The following MYPN variants were observed in gnomAD, a reference collection of about 807,000 sequenced individuals.
MYPN encodes sarcomeric protein myopalladin, 145 kDa (MYOP).
Under a neutral mutation model 129.4 loss-of-function variants are expected in MYPN, and 63 were observed. The observed-to-expected ratio is 0.49, with a 90% confidence interval of 0.40 to 0.60. The LOEUF is 0.60. Among genes scored for constraint, MYPN ranks in the 20% least tolerant of loss-of-function variants. The pLI is 0.00. For missense variants in MYPN, 1,596 were observed against 1,635.4 expected, an observed-to-expected ratio of 0.98 and a Z score of 0.42; for synonymous variants, 629 against 600.9, an observed-to-expected ratio of 1.05 and a Z score of -0.68.
At chr10:68,132,450 C>T (rs952473669) in intron 2 of MYPN, among the ~76,000 whole-genome samples, 2 of 152,162 alleles carry the variant, frequency 1.3e-5, no homozygotes, top group Admixed American at 1.3e-4. Flanking sequence ...TTTTCTTTCT[C>T]ATATTTTTGT....
At chr10:68,175,558 GGCTGAT>G (rs2043215205) in intron 12 of MYPN, 97 bp downstream of exon 12, 1 of 1,348,946 alleles carries the variant, frequency 7.4e-7, no homozygotes, top group African/African-American at 1.4e-5. Flanking sequence ...ACCTCAGTGA[GGCTGAT>G]GTTGCAGCTC....
At chr10:68,122,602 A>G (rs1273218526) in intron 2 of MYPN, among the ~76,000 whole-genome samples, 24 of 152,344 alleles carry the variant, frequency 1.6e-4, no homozygotes, top group Admixed American at 1.6e-3. Context: ...TAACTAACAT[A>G]TTAAAAACAT....
In MYPN at chr10:68,148,333, A is replaced by T; in HGVS notation, c.1131-20A>T. The T allele has an allele frequency of 6.4e-7, 1 of 1,562,758 alleles. No homozygotes were observed. The highest frequency in any genetic ancestry group is 1.7e-4 in the Middle Eastern group (1 of 5,946). On this transcript the variant is annotated intron_variant, in intron 4 of 19. Coordinates refer to ENST00000358913, the MANE Select transcript of MYPN (RefSeq NM_032578.4). Reference sequence around the variant, plus strand: ...GAGTGATAGGTCTATTTTATAATCTATATTTTAATAATTTCTCAGAATCCA... The same window carrying T: ...GAGTGATAGGTCTATTTTATAATCTTTATTTTAATAATTTCTCAGAATCCA...
At chr10:68,100,732 G>C (rs2041977756) in intron 1 of MYPN, among the ~76,000 whole-genome samples, 1 of 152,138 alleles carries the variant, frequency 6.6e-6, no homozygotes, top group African/African-American at 2.4e-5. Flanking sequence ...ACAGCACCAA[G>C]TCTTTTTCAA....
At chr10:68,199,089 C>T (rs952388456) in intron 16 of MYPN, among the ~76,000 whole-genome samples, 1 of 151,866 alleles carries the variant, frequency 6.6e-6, no homozygotes, top group African/African-American at 2.4e-5. Flanking sequence ...CCTATTATAT[C>T]TATCTATTTC....
chr10:68,096,289 G>T (rs1425255948), intron 1 of MYPN, among the ~76,000 whole-genome samples: 1 of 152,184 alleles, frequency 6.6e-6, no homozygotes, highest in Non-Finnish European at 1.5e-5. Context: ...TTTCTCATAT[G>T]TGAAACATGA....
intron 18 of MYPN, 42 bp from the exon 19 acceptor site, chr10:68,206,728 G>GC (rs1443757233): frequency 2.5e-6 from 4 of 1,613,476 alleles, no homozygotes; most frequent in East Asian, 2.2e-5. Context: ...AGGCATTTCT[G>GC]CCCCCCGATA....
In MYPN at chr10:68,210,309, C is replaced by T; in HGVS notation, c.3817C>T (p.Pro1273Ser). The T allele has an allele frequency of 6.2e-7, 1 of 1,613,836 alleles. No individual in the cohort carries two copies. Residue 1273 changes from proline (P) to serine (S), a missense_variant, in exon 20 of 20, where the codon CCG (proline) becomes TCG (serine). Pro to Ser is a moderately conservative substitution (Grantham distance 74, BLOSUM62 -1). Coordinates refer to ENST00000358913, the MANE Select transcript of MYPN (RefSeq NM_032578.4). The stretch of plus-strand genomic sequence containing the variant: ...AGCTCAGTGGCACCATCAGATCCCA[C>T]CGCCCATGTCTGTCCGGCCCAGTGG... ...IYAQWHHQIP[P>S]PMSVRPSGSR... is the part of the protein sequence containing the mutation.
At chr10:68,106,900 T>G (rs11592680), upstream of MYPN, 22 of 690,040 alleles carry the variant, frequency 3.2e-5, no homozygotes, top group South Asian at 7.8e-5. Context: ...ATGTGTTGGA[T>G]GAGCCACTCA....
At chr10:68,097,571 CA>C (rs1343802424) in intron 1 of MYPN, among the ~76,000 whole-genome samples, 22 of 152,144 alleles carry the variant, frequency 1.4e-4, no homozygotes, top group Non-Finnish European at 2.6e-4. Flanking sequence ...AGTATTAACT[CA>C]CTTAAGTCTC....
intron 12 of MYPN, among the ~76,000 whole-genome samples, chr10:68,179,512 T>C (rs1234520221): frequency 2.0e-5 from 3 of 152,172 alleles, no homozygotes; most frequent in African/African-American, 7.2e-5. Flanking sequence ...GAAAAGGTAA[T>C]AAAACTGTTA....
At chr10:68,204,911 C>A (rs2043788115) in intron 18 of MYPN, among the ~76,000 whole-genome samples, 1 of 151,880 alleles carries the variant, frequency 6.6e-6, no homozygotes, top group Non-Finnish European at 1.5e-5. Context: ...CCAACCCCAG[C>A]TGTAAGGAAT....
intron 2 of MYPN, among the ~76,000 whole-genome samples, chr10:68,131,442 A>T (rs1034665209): frequency 4.0e-4 from 58 of 145,688 alleles, no homozygotes; most frequent in African/African-American, 1.5e-3. Context: ...TTGGAATTGC[A>T]TTGAATCTGT....
chr10:68,182,384 C>T (rs117614826), intron 12 of MYPN, among the ~76,000 whole-genome samples: 4 of 94,082 alleles, frequency 4.3e-5, no homozygotes, highest in African/African-American at 9.0e-5. Context: ...ATATATAACA[C>T]ATATATAACA....
At chr10:68,092,284 C>A (rs2133935128) in intron 1 of MYPN, among the ~76,000 whole-genome samples, 1 of 152,156 alleles carries the variant, frequency 6.6e-6, no homozygotes, top group African/African-American at 2.4e-5. Flanking sequence ...CATCTGAGGT[C>A]AGGAGTTTGA....
upstream of MYPN, among the ~76,000 whole-genome samples, chr10:68,105,153 T>G (rs578262809): frequency 2.5e-4 from 38 of 152,308 alleles, no homozygotes; most frequent in South Asian, 6.2e-3. Flanking sequence ...ATTTGAATAT[T>G]TGCAGTGGTT....
rs1289785828 is a variant in MYPN at position 68,206,912 on chromosome 10, A to G, written c.3793+9A>G. ...CAGGCTGGATATATACGGTAAGTGT[A>G]ATGCTGTTAGTTGAACATCTGTATG... On this transcript the variant is annotated intron_variant, in intron 19 of 19. Coordinates refer to ENST00000358913, the MANE Select transcript of MYPN (RefSeq NM_032578.4). 1.9e-6 allele frequency: 3 copies of G among 1,614,022 alleles called. No individual in the cohort carries two copies. The highest frequency in any genetic ancestry group is 1.1e-5 in the South Asian group (1 of 91,080).
chr10:68,110,274 C>CT lies in MYPN; in HGVS notation c.-2+551_-2+552insT, dbSNP rs1564641064. Reference sequence around the variant, plus strand: ...TCCTTTCTCTCTCTCTCTCTCTCTCCGTCTCTTTCTCTCTCTCCCTTTTCA... The same window carrying CT: ...TCCTTTCTCTCTCTCTCTCTCTCTCCTGTCTCTTTCTCTCTCTCCCTTTTCA... On this transcript the variant is annotated intron_variant, in intron 1 of 19. Transcript: ENST00000358913. 7.3e-3 allele frequency among the ~76,000 whole-genome samples: 1,115 copies of CT among 151,706 alleles called. 15 individuals carry two copies. The highest frequency in any genetic ancestry group is 0.025 in the African/African-American group (1,027 of 41,336).
At chr10:68,145,454 G>A in intron 3 of MYPN, 21 bp from the exon 4 acceptor site, 2 of 1,603,544 alleles carry the variant, frequency 1.2e-6, no homozygotes, top group South Asian at 1.1e-5. Context: ...ACAATCTTAT[G>A]TCTTGTTTTT....
Sources: allele counts gnomAD v4.1 joint callset (sites outside exome capture counted in the v4.1 genomes callset), GRCh38; gene constraint gnomAD v4.1.1; transcripts MANE v1.5; gene names NCBI Gene and HGNC (gene_info 2026-07-23, HGNC 2026-07-21).